PLPP4: variants seen among roughly 807,000 people sequenced by gnomAD.
PLPP4 encodes diacylglycerol pyrophosphate like 2.
PLPP4 carries 20 observed loss-of-function variants against 32.2 expected under a neutral mutation model. That is an observed-to-expected ratio of 0.62 (90% CI 0.44 to 0.90). PLPP4 has a LOEUF of 0.90. Ranked by LOEUF, PLPP4 falls within the 40% of genes least tolerant of loss-of-function variation. The pLI is 0.00. For missense variants in PLPP4, 257 were observed against 353.1 expected (o/e 0.73, Z 2.18); for synonymous variants, 127 against 133.0 (o/e 0.95, Z 0.31).
chr10:120,580,646 C>CAT (rs1849455662), intron 6 of PLPP4, among the ~76,000 whole-genome samples: 1 of 106,542 alleles, frequency 9.4e-6, no homozygotes, highest in African/African-American at 3.4e-5. Flanking sequence ...GTCTCTTACA[C>CAT]ACACACACAC....
intron 5 of PLPP4, among the ~76,000 whole-genome samples, chr10:120,540,940 A>C (rs1847311532): frequency 6.6e-6 from 1 of 152,210 alleles, no homozygotes; most frequent in African/African-American, 2.4e-5. Context: ...GTGGTGGAGA[A>C]GGAGCAGACC....
At chr10:120,461,212 G>T (rs1848030975) in intron 1 of PLPP4, among the ~76,000 whole-genome samples, 1 of 152,204 alleles carries the variant, frequency 6.6e-6, no homozygotes, top group African/African-American at 2.4e-5. Context: ...TTAAGAGTAC[G>T]ATGTGGTGAG....
intron 1 of PLPP4, among the ~76,000 whole-genome samples, chr10:120,494,066 T>C (rs1350380740): frequency 6.6e-6 from 1 of 152,104 alleles, no homozygotes; most frequent in Non-Finnish European, 1.5e-5. Context: ...CAATAAGAAA[T>C]GTTGTTTGGC....
intron 5 of PLPP4, among the ~76,000 whole-genome samples, chr10:120,543,578 A>G (rs1239006210): frequency 6.6e-6 from 1 of 152,204 alleles, no homozygotes; most frequent in Non-Finnish European, 1.5e-5. Context: ...AGGAGAGAAC[A>G]TTTCTGAAGG....
intron 1 of PLPP4, among the ~76,000 whole-genome samples, chr10:120,463,965 A>AC (rs1848197173): frequency 6.6e-6 from 1 of 152,156 alleles, no homozygotes; most frequent in South Asian, 2.1e-4. Flanking sequence ...TAGGTGTGCC[A>AC]TCGCAGCCAG....
Position 120,504,498 on chromosome 10 carries a change from G to C in PLPP4, c.165+572G>C, listed in dbSNP as rs567829162. Among the ~76,000 whole-genome samples the C allele has an allele frequency of 4.6e-5, 7 of 152,374 alleles. No homozygotes were observed. In the East Asian group the frequency reaches 9.6e-4, roughly 21 times the overall value. On this transcript the variant is annotated intron_variant, in intron 2 of 6. Coordinates refer to ENST00000398250, the MANE Select transcript of PLPP4 (RefSeq NM_001030059.3). ...AAGCTATAAGCTAAGATTTGCCTCG[G>C]CCTGTCTAGACATGCCTGAGTAAGC...
chr10:120,493,266 A>G (rs1844800853), intron 1 of PLPP4, among the ~76,000 whole-genome samples: 1 of 152,046 alleles, frequency 6.6e-6, no homozygotes, highest in African/African-American at 2.4e-5. Context: ...GGTTCACCTA[A>G]TTGTTCATTG....
At chr10:120,586,416 G>T (rs1589939966) in intron 6 of PLPP4, among the ~76,000 whole-genome samples, 1 of 151,944 alleles carries the variant, frequency 6.6e-6, no homozygotes, top group Non-Finnish European at 1.5e-5. Flanking sequence ...AGTGCTAGGG[G>T]ATATGACCTA....
chr10:120,485,245 G>A (rs913312102), intron 1 of PLPP4, among the ~76,000 whole-genome samples: 17 of 152,236 alleles, frequency 1.1e-4, no homozygotes, highest in African/African-American at 3.4e-4. Flanking sequence ...TCCCCCTAGA[G>A]CTCCCTGAAG....
At chr10:120,536,454 A>G (rs1471989247) in intron 5 of PLPP4, among the ~76,000 whole-genome samples, 3 of 152,112 alleles carry the variant, frequency 2.0e-5, no homozygotes, top group Admixed American at 1.3e-4. Context: ...ACTCTGTTCA[A>G]TAAATGGTAT....
chr10:120,531,137 G>A (rs1846696892), intron 5 of PLPP4, among the ~76,000 whole-genome samples: 1 of 130,612 alleles, frequency 7.7e-6, no homozygotes, highest in African/African-American at 2.9e-5. Flanking sequence ...TCACCAGGCT[G>A]AAGTGCAGTG....
At chr10:120,554,481 G>A (rs551674387) in intron 5 of PLPP4, among the ~76,000 whole-genome samples, 2 of 152,216 alleles carry the variant, frequency 1.3e-5, no homozygotes, top group Admixed American at 6.5e-5. Flanking sequence ...ACCTCTGCCT[G>A]TTACCCAGTT....
At chr10:120,461,232 G>A (rs568748884) in intron 1 of PLPP4, among the ~76,000 whole-genome samples, 2 of 152,260 alleles carry the variant, frequency 1.3e-5, no homozygotes, top group African/African-American at 4.8e-5. Flanking sequence ...GTAAATTGCC[G>A]GTGAGAACAT....
chr10:120,567,348 T>C (rs1848737619), intron 5 of PLPP4, among the ~76,000 whole-genome samples: 1 of 152,208 alleles, frequency 6.6e-6, no homozygotes, highest in Non-Finnish European at 1.5e-5. Flanking sequence ...TTTCTGATAA[T>C]AACACCTTTT....
At chr10:120,473,695 C>A (rs949312340) in intron 1 of PLPP4, among the ~76,000 whole-genome samples, 1 of 152,148 alleles carries the variant, frequency 6.6e-6, no homozygotes, top group Non-Finnish European at 1.5e-5. Flanking sequence ...TGGGGTGAGA[C>A]TTCCCCCTCG....
chr10:120,497,508 G>A (rs1291544456), intron 1 of PLPP4, among the ~76,000 whole-genome samples: 1 of 151,962 alleles, frequency 6.6e-6, no homozygotes, highest in East Asian at 1.9e-4. Flanking sequence ...TAAGCTTTAA[G>A]GAAGATTTAA....
intron 6 of PLPP4, among the ~76,000 whole-genome samples, chr10:120,584,246 A>C (rs570214331): frequency 2.6e-5 from 4 of 152,282 alleles, no homozygotes; most frequent in Admixed American, 2.6e-4. Flanking sequence ...TCATGTCCTC[A>C]GCAAAACCTC....
intron 5 of PLPP4, among the ~76,000 whole-genome samples, chr10:120,561,342 AT>A (rs1027280993): frequency 6.6e-6 from 1 of 151,934 alleles, no homozygotes; most frequent in Non-Finnish European, 1.5e-5. Context: ...TAGCAGTCCA[AT>A]TTTTTTTCCA....
intron 5 of PLPP4, among the ~76,000 whole-genome samples, chr10:120,527,791 C>G (rs567127752): frequency 2.6e-5 from 4 of 152,248 alleles, no homozygotes; most frequent in Non-Finnish European, 5.9e-5. Flanking sequence ...TGGGAGTTTG[C>G]TTTTGCTGAA....
Sources: allele counts gnomAD v4.1 joint callset (sites outside exome capture counted in the v4.1 genomes callset), GRCh38; gene constraint gnomAD v4.1.1; transcripts MANE v1.5; gene names NCBI Gene and HGNC (gene_info 2026-07-23, HGNC 2026-07-21).